Variants in ECRG4 observed in about 807,000 individuals in gnomAD.
ECRG4 encodes the protein augurin.
A neutral mutation model predicts 15.8 loss-of-function variants in ECRG4; 18 were observed. That is an observed-to-expected ratio of 1.14 (90% CI 0.79 to 1.69). The LOEUF (loss-of-function observed/expected upper bound fraction) is 1.69, where lower values mean the gene tolerates loss of function less well. ECRG4 is among the 40% of genes most tolerant of loss of function. The probability of loss-of-function intolerance (pLI) is 0.00; values close to 1 mark genes in which losing one functional copy is unlikely to be tolerated. For synonymous variants in ECRG4, 82 were observed against 73.9 expected, an observed-to-expected ratio of 1.11 and a Z score of -0.56; for missense variants, 200 against 190.9, an observed-to-expected ratio of 1.05 and a Z score of -0.28.
At chr2:106,065,644 G>T (rs373523328), upstream of ECRG4, 408 of 689,360 alleles carry the variant, frequency 5.9e-4, 1 homozygote, top group East Asian at 0.011. Context: ...GTCCCGCCCC[G>T]GCAGCGACGC....
chr2:106,065,409 G>C (rs771553589), upstream of ECRG4, among the ~76,000 whole-genome samples: 1 of 152,196 alleles, frequency 6.6e-6, no homozygotes, highest in Non-Finnish European at 1.5e-5. Context: ...CCCTTCCTTG[G>C]GTCTCCGGAA....
intron 1 of ECRG4, chr2:106,070,973 G>C (rs1676353232): frequency 2.1e-6 from 1 of 471,342 alleles, no homozygotes; most frequent in East Asian, 6.9e-5. Context: ...CAGTTCGCTG[G>C]GTGGAGGCGT....
intron 1 of ECRG4, chr2:106,070,982 G>T (rs761175036): frequency 4.2e-6 from 2 of 471,174 alleles, no homozygotes; most frequent in Non-Finnish European, 8.8e-6. Flanking sequence ...GGGTGGAGGC[G>T]TGTGTTCTAT....
intron 2 of ECRG4, 73 bp from the exon 3 acceptor site, chr2:106,073,813 T>C: frequency 2.5e-6 from 4 of 1,569,268 alleles, no homozygotes; most frequent in Non-Finnish European, 3.5e-6. Context: ...ATGGGATGTA[T>C]AACAGGGATT....
intron 3 of ECRG4, among the ~76,000 whole-genome samples, chr2:106,077,036 C>T (rs1446961999): frequency 6.6e-6 from 1 of 152,250 alleles, no homozygotes; most frequent in Non-Finnish European, 1.5e-5. Context: ...TTCTACACTA[C>T]TTACTCAGCT....
intron 1 of ECRG4, among the ~76,000 whole-genome samples, chr2:106,069,200 CTTTT>C (rs1339201399): frequency 7.3e-6 from 1 of 137,928 alleles, no homozygotes; most frequent in South Asian, 2.3e-4. Flanking sequence ...TTTCTTCTTT[CTTTT>C]TTATTTTCTT....
At chr2:106,071,930 C>T in intron 2 of ECRG4, 39 bp downstream of exon 2, 1 of 1,556,620 alleles carries the variant, frequency 6.4e-7, no homozygotes, top group Non-Finnish European at 8.9e-7. Flanking sequence ...GCATTCTTAA[C>T]TGGATGGAAA....
chr2:106,077,975 T>C lies in ECRG4; in HGVS notation c.*49T>C, dbSNP rs1348195488. The stretch of plus-strand genomic sequence containing the variant: ...AAGAAGCAAATAGCGATTCTCTTCA[T>C]GTATCTCCTAATGCCTTACACTACT... On this transcript the variant is annotated 3_prime_UTR_variant, in exon 4 of 4. Coordinates refer to ENST00000238044, the MANE Select transcript of ECRG4 (RefSeq NM_032411.3). 2.5e-6 allele frequency: 4 copies of C among 1,576,016 alleles called. No homozygotes were observed. The African/African-American group carries it at 4.1e-5, about 16-fold the overall frequency.
chr2:106,068,183 C>G (rs1304019919), intron 1 of ECRG4, among the ~76,000 whole-genome samples: 1 of 152,044 alleles, frequency 6.6e-6, no homozygotes, highest in African/African-American at 2.4e-5. Context: ...GACCGTGACC[C>G]CTTCTTGATC....
intron 1 of ECRG4, among the ~76,000 whole-genome samples, chr2:106,067,625 A>G (rs372397607): frequency 8.4e-5 from 12 of 143,622 alleles, no homozygotes; most frequent in African/African-American, 3.1e-4. Flanking sequence ...ATGTGTCACC[A>G]CGCCCAGCTA....
chr2:106,077,937 C>A lies in ECRG4; in HGVS notation c.*11C>A. On this transcript the variant is annotated 3_prime_UTR_variant, in exon 4 of 4. Transcript: ENST00000238044. ...TACGATGACTACTAACCATGACTTG[C>A]CACACGCTGTACAAGAAGCAAATAG... 1 of 1,612,554 alleles carries A rather than the reference C, an allele frequency of 6.2e-7. No homozygotes were observed. Among genetic ancestry groups the A allele is most frequent in the East Asian group, 2.2e-5 (1 of 44,846 alleles).
chr2:106,069,163 TC>T (rs1676294927), intron 1 of ECRG4, among the ~76,000 whole-genome samples: 8 of 136,972 alleles, frequency 5.8e-5, no homozygotes, highest in Non-Finnish European at 1.1e-4. Context: ...TTTCTTTCTT[TC>T]TTTCTTTTTT....
chr2:106,071,206 T>G (rs1676359043), intron 1 of ECRG4, among the ~76,000 whole-genome samples: 1 of 151,830 alleles, frequency 6.6e-6, no homozygotes, highest in Admixed American at 6.6e-5. Context: ...TGTCTTCACA[T>G]GGGTGACCTC....
At chr2:106,072,866 T>C (rs1388552859) in intron 2 of ECRG4, among the ~76,000 whole-genome samples, 2 of 152,196 alleles carry the variant, frequency 1.3e-5, no homozygotes, top group Non-Finnish European at 2.9e-5. Context: ...CAGAGCCAGT[T>C]TGTCATAGGT....
intron 1 of ECRG4, among the ~76,000 whole-genome samples, chr2:106,070,173 C>A (rs966730824): frequency 3.3e-5 from 5 of 152,180 alleles, no homozygotes; most frequent in African/African-American, 1.2e-4. Context: ...CTTTTGAGAG[C>A]AAAAGGAGGC....
In ECRG4 at chr2:106,077,906, G is replaced by T. The variant is rs376920426; in HGVS notation, c.427G>T (p.Val143Phe). The T allele has an allele frequency of 8.1e-6, 13 of 1,613,898 alleles. No homozygotes were observed. In the Admixed American group the frequency reaches 1.8e-4, roughly 23 times the overall value. ...SPYGFRHGAS[V>F]NYDDY ...CTACGGCTTTAGGCATGGAGCCAGC[G>T]TCAACTACGATGACTACTAACCATG... The change falls in exon 4 of 4, where the codon GTC becomes TTC. Residue 143 changes from valine (V) to phenylalanine (F), a missense_variant. Coordinates refer to ENST00000238044, the MANE Select transcript of ECRG4 (RefSeq NM_032411.3).
chr2:106,067,959 C>T (rs571004388), intron 1 of ECRG4, among the ~76,000 whole-genome samples: 60 of 151,846 alleles, frequency 4.0e-4, no homozygotes, highest in African/African-American at 1.4e-3. Context: ...CTCAGCCTCC[C>T]GAGTAGCTGG....
chr2:106,064,608 T>C (rs143321882), upstream of ECRG4, among the ~76,000 whole-genome samples: 2,751 of 152,050 alleles, frequency 0.018, 72 homozygotes, highest in African/African-American at 0.06. Context: ...AACCCCGGAG[T>C]TGGAGGTTGC....
intron 3 of ECRG4, among the ~76,000 whole-genome samples, chr2:106,074,858 G>T (rs769719834): frequency 6.6e-6 from 1 of 152,194 alleles, no homozygotes; most frequent in Non-Finnish European, 1.5e-5. Context: ...CATTTAGACG[G>T]TGTATACACA....
Sources: allele counts gnomAD v4.1 joint callset (sites outside exome capture counted in the v4.1 genomes callset), GRCh38; gene constraint gnomAD v4.1.1; transcripts MANE v1.5; gene names NCBI Gene and HGNC (gene_info 2026-07-23, HGNC 2026-07-21).